The following NPAS2 variants were observed in gnomAD, a reference collection of about 807,000 sequenced individuals.
NPAS2 encodes neuronal PAS domain protein 2, also known as neuronal PAS domain-containing protein 2.
In NPAS2, 23 loss-of-function variants were observed where a neutral mutation model predicts 107.5. That is an observed-to-expected ratio of 0.21 (90% CI 0.15 to 0.30). The LOEUF is 0.30. Among genes scored for constraint, NPAS2 ranks in the 10% least tolerant of loss-of-function variants. The pLI is 1.00. For synonymous variants in NPAS2, 403 were observed against 417.5 expected (o/e 0.97, Z 0.42); for missense variants, 756 against 1,043.3 (o/e 0.72, Z 3.79).
chr2:100,993,501 C>G lies in NPAS2; in HGVS notation c.2266C>G (p.Gln756Glu). The G allele has an allele frequency of 1.3e-6, 2 of 1,591,372 alleles. No individual in the cohort carries two copies. The highest frequency in any genetic ancestry group is 1.7e-6 in the Non-Finnish European group (2 of 1,169,066). ...GCCCCTGCAGCCTGCACAGGCCCGG[C>G]AGCAGCCACCGCAGCACTACCTGCA... ...PSPLQPAQAR[Q>E]QPPQHYLQVQ... Residue 756 changes from glutamine to glutamate, a missense_variant, in exon 20 of 21, where the codon CAG becomes GAG. Transcript: ENST00000335681.
chr2:100,875,461 TACACAC>T (rs56331462), intron 1 of NPAS2, among the ~76,000 whole-genome samples: 83,193 of 143,408 alleles, frequency 0.58, 25,218 homozygotes, highest in Non-Finnish European at 0.69. Context: ...ATTAAAAGCT[TACACAC>T]ACACACACAC....
chr2:100,860,659 T>G (rs566520121), intron 1 of NPAS2, among the ~76,000 whole-genome samples: 2 of 152,314 alleles, frequency 1.3e-5, no homozygotes, highest in African/African-American at 4.8e-5. Context: ...CTTTGTTTAT[T>G]CTCTATATCA....
chr2:100,977,301 G>T (rs959349934), intron 14 of NPAS2: 24 of 245,270 alleles, frequency 9.8e-5, no homozygotes, highest in Non-Finnish European at 1.9e-4. Context: ...AGATACGGAC[G>T]CACAGCAGCT....
At chr2:100,920,834 G>A (rs941263509) in intron 2 of NPAS2, among the ~76,000 whole-genome samples, 1 of 152,212 alleles carries the variant, frequency 6.6e-6, no homozygotes, top group Non-Finnish European at 1.5e-5. Context: ...CTCTCCAGAA[G>A]ACAAACTGGA....
chr2:100,953,512 G>A (rs974960750), intron 7 of NPAS2, among the ~76,000 whole-genome samples: 1 of 151,846 alleles, frequency 6.6e-6, no homozygotes, highest in East Asian at 1.9e-4. Context: ...GAACAATGAG[G>A]TAACAAAAAA....
At chr2:100,939,286 G>A (rs951981992) in intron 5 of NPAS2, among the ~76,000 whole-genome samples, 1 of 152,228 alleles carries the variant, frequency 6.6e-6, no homozygotes, top group Non-Finnish European at 1.5e-5. Context: ...TGCCTTCCCA[G>A]TAGGCCCTAA....
intron 1 of NPAS2, among the ~76,000 whole-genome samples, chr2:100,887,511 C>T (rs946786166): frequency 5.3e-5 from 8 of 152,168 alleles, no homozygotes; most frequent in South Asian, 4.1e-4. Flanking sequence ...GGTAGCACCA[C>T]GGTTTCTCAG....
intron 3 of NPAS2, among the ~76,000 whole-genome samples, chr2:100,927,178 C>T (rs1683632589): frequency 6.6e-6 from 1 of 152,014 alleles, no homozygotes; most frequent in East Asian, 1.9e-4. Flanking sequence ...TCGTGATTCA[C>T]CCGCCCCGGC....
At chr2:100,883,852 G>T (rs1234687733) in intron 1 of NPAS2, among the ~76,000 whole-genome samples, 1 of 152,176 alleles carries the variant, frequency 6.6e-6, no homozygotes. Flanking sequence ...TACCTGGTCA[G>T]TGATGGATCA....
At position 100,964,091 on chromosome 2, in the gene NPAS2, C is replaced by T. The variant is rs201271037; in HGVS notation, c.632C>T (p.Thr211Ile). Residue 211 changes from threonine (T) to isoleucine (I), a missense_variant, in exon 8 of 21, where the codon ACC becomes ATC. By Grantham distance (89) the Thr-to-Ile change is moderately conservative. Around this residue, in one of 4 missense-constraint regions of NPAS2, gnomAD observed 30 missense variants for 23.8 expected, o/e 1.26. Coordinates refer to ENST00000335681, the MANE Select transcript of NPAS2 (RefSeq NM_002518.4). ...PSPSCNGFDN[T>I]LSRPCRVPLG... ...CCCTCCTGTAATGGTTTTGACAACA[C>T]CCTTTCAAGACCTTGCCGGGTGCCA... The T allele has an allele frequency of 3.2e-5, 51 of 1,613,934 alleles. No homozygotes were observed. Among genetic ancestry groups the T allele is most frequent in the Non-Finnish European group, 3.7e-5 (44 of 1,179,938 alleles).
intron 1 of NPAS2, among the ~76,000 whole-genome samples, chr2:100,850,180 A>C: frequency 6.6e-6 from 1 of 152,334 alleles, no homozygotes; most frequent in Non-Finnish European, 1.5e-5. Flanking sequence ...AAAGATCATT[A>C]ACCTTTAGAG....
chr2:100,908,862 C>A (rs114033200), intron 2 of NPAS2, among the ~76,000 whole-genome samples: 343 of 152,238 alleles, frequency 2.3e-3, no homozygotes, highest in African/African-American at 7.7e-3. Context: ...AGTGTCAGGT[C>A]AGATTCGCTG....
intron 2 of NPAS2, among the ~76,000 whole-genome samples, chr2:100,913,854 TG>T (rs1201124435): frequency 6.6e-6 from 1 of 152,196 alleles, no homozygotes; most frequent in Non-Finnish European, 1.5e-5. Flanking sequence ...GTCATTCACC[TG>T]CATGCTCAAA....
intron 6 of NPAS2, among the ~76,000 whole-genome samples, chr2:100,948,659 G>A (rs542081359): frequency 6.6e-6 from 1 of 152,158 alleles, no homozygotes; most frequent in Non-Finnish European, 1.5e-5. Flanking sequence ...GTAAGAAACA[G>A]TGCAAACATC....
Position 100,937,852 on chromosome 2 carries a change from C to T in NPAS2, c.363+10C>T. 6.3e-7 allele frequency: 1 copy of T among 1,585,792 alleles called. No homozygotes were observed. The highest frequency in any genetic ancestry group is 8.7e-7 in the Non-Finnish European group (1 of 1,154,166). ...CCTTGGGCATTTACCGGTGAGTTTCCACTCCAATGGCCTTTACCGGTTCAC... is the reference window on the plus strand; with the variant it reads ...CCTTGGGCATTTACCGGTGAGTTTCTACTCCAATGGCCTTTACCGGTTCAC... On this transcript the variant is annotated intron_variant, in intron 5 of 20. Transcript: ENST00000335681.
At chr2:100,852,122 C>T (rs1052547645) in intron 1 of NPAS2, among the ~76,000 whole-genome samples, 3 of 152,114 alleles carry the variant, frequency 2.0e-5, no homozygotes, top group Admixed American at 6.6e-5. Context: ...TTTGGCCGGG[C>T]ACGGTGGCTC....
At chr2:100,873,076 G>A (rs1679676153) in intron 1 of NPAS2, among the ~76,000 whole-genome samples, 1 of 151,394 alleles carries the variant, frequency 6.6e-6, no homozygotes. Flanking sequence ...GCTGGGGTGG[G>A]CAGATCACTT....
chr2:100,926,599 A>G (rs1233897538), intron 3 of NPAS2, among the ~76,000 whole-genome samples: 1 of 151,932 alleles, frequency 6.6e-6, no homozygotes, highest in Non-Finnish European at 1.5e-5. Context: ...TCTTCTTTGG[A>G]GAGATGTCCA....
intron 1 of NPAS2, among the ~76,000 whole-genome samples, chr2:100,856,641 G>A (rs1268976294): frequency 6.7e-6 from 1 of 148,346 alleles, no homozygotes; most frequent in African/African-American, 2.5e-5. Flanking sequence ...GGCACACTCC[G>A]AGTGCATTGC....
Sources: allele counts gnomAD v4.1 joint callset (sites outside exome capture counted in the v4.1 genomes callset), GRCh38; gene constraint gnomAD v4.1.1; regional missense constraint gnomAD v4.1.1; transcripts MANE v1.5; gene names NCBI Gene and HGNC (gene_info 2026-07-23, HGNC 2026-07-21).